PRR16: variants seen among roughly 807,000 people sequenced by gnomAD.
The protein encoded by PRR16 is proline rich 16.
A neutral mutation model predicts 18.2 loss-of-function variants in PRR16; 6 were observed. The observed-to-expected ratio is 0.33, with a 90% CI of 0.18 to 0.65. The LOEUF is 0.65. PRR16 is among the 30% of genes least tolerant of loss of function. PRR16 has a pLI of 0.74. For missense variants in PRR16, 412 were observed against 376.6 expected (o/e 1.09, Z -0.78); for synonymous variants, 151 against 147.8 (o/e 1.02, Z -0.16).
At chr5:120,588,663 A>G (rs144297649) in intron 1 of PRR16, among the ~76,000 whole-genome samples, 204 of 152,322 alleles carry the variant, frequency 1.3e-3, no homozygotes, top group African/African-American at 4.5e-3. Flanking sequence ...AACAGAAAAA[A>G]TAGTATGGCT....
chr5:120,559,366 G>A (rs991583017), intron 1 of PRR16, among the ~76,000 whole-genome samples: 4 of 151,770 alleles, frequency 2.6e-5, no homozygotes, highest in African/African-American at 9.7e-5. Context: ...TCAGCATATA[G>A]ATATCCAGTT....
At chr5:120,746,967 T>G in the PRR16 span, among the ~76,000 whole-genome samples, 1 of 152,206 alleles carries the variant, frequency 6.6e-6, no homozygotes, top group African/African-American at 2.4e-5. Context: ...AAGCAAGCTT[T>G]CGTTTCAATT....
At chr5:120,700,440 T>G in the PRR16 span, among the ~76,000 whole-genome samples, 10 of 151,176 alleles carry the variant, frequency 6.6e-5, no homozygotes, top group Non-Finnish European at 1.0e-4. Flanking sequence ...TGGGTTAAGG[T>G]GGGGGGATAC....
chr5:120,606,551 A>AT (rs1250475721), intron 1 of PRR16, among the ~76,000 whole-genome samples: 1 of 151,990 alleles, frequency 6.6e-6, no homozygotes, highest in African/African-American at 2.4e-5. Context: ...ATTATTAATG[A>AT]TTTTTTTCAT....
downstream of PRR16, among the ~76,000 whole-genome samples, chr5:120,691,106 T>C (rs1331369260): frequency 1.3e-5 from 2 of 152,130 alleles, no homozygotes. Flanking sequence ...TATTTAAAAA[T>C]GTAGAAATTC....
chr5:120,715,016 G>A, the PRR16 span, among the ~76,000 whole-genome samples: 5 of 151,882 alleles, frequency 3.3e-5, no homozygotes, highest in Non-Finnish European at 7.4e-5. Context: ...AGGGAACTTA[G>A]AGGACAGGTC....
intron 1 of PRR16, among the ~76,000 whole-genome samples, chr5:120,642,626 T>A (rs1310818167): frequency 6.6e-6 from 1 of 152,102 alleles, no homozygotes; most frequent in Non-Finnish European, 1.5e-5. Context: ...AACCATAAAT[T>A]TTGCTATTTC....
rs142435416 is a variant in PRR16 at position 120,514,806 on chromosome 5, T to C, written c.159+50161T>C. Among the ~76,000 whole-genome samples the C allele has an allele frequency of 4.5e-3, 678 of 152,308 alleles. 8 individuals are homozygous for C. The highest frequency in any genetic ancestry group is 0.016 in the African/African-American group (659 of 41,566). Reference sequence around the variant, plus strand: ...AAAAAGCTCCAGATATTTTCTCCATTTCTTTCTTTCTTCTGAGCTCTCACC... The same window carrying C: ...AAAAAGCTCCAGATATTTTCTCCATCTCTTTCTTTCTTCTGAGCTCTCACC... On this transcript the variant is annotated intron_variant, in intron 1 of 1. Transcript: ENST00000407149.
chr5:120,571,384 G>A (rs1414272974), intron 1 of PRR16, among the ~76,000 whole-genome samples: 1 of 152,142 alleles, frequency 6.6e-6, no homozygotes, highest in Non-Finnish European at 1.5e-5. Flanking sequence ...AGGAACTTCA[G>A]TGAAGCCAGT....
At chr5:120,507,985 T>G (rs999863202) in intron 1 of PRR16, among the ~76,000 whole-genome samples, 1 of 152,142 alleles carries the variant, frequency 6.6e-6, no homozygotes, top group Non-Finnish European at 1.5e-5. Flanking sequence ...GAACCTCACT[T>G]TGGTTTGAGA....
At chr5:120,561,178 C>G (rs1752563688) in intron 1 of PRR16, among the ~76,000 whole-genome samples, 1 of 151,644 alleles carries the variant, frequency 6.6e-6, no homozygotes, top group African/African-American at 2.4e-5. Flanking sequence ...TTTGCTCTTT[C>G]ATTTTTAGTT....
At chr5:120,726,020 A>G in the PRR16 span, among the ~76,000 whole-genome samples, 1 of 152,104 alleles carries the variant, frequency 6.6e-6, no homozygotes, top group Non-Finnish European at 1.5e-5. Context: ...AGGGGAGATT[A>G]TTATGCTAAA....
At chr5:120,727,725 A>G in the PRR16 span, among the ~76,000 whole-genome samples, 10 of 152,148 alleles carry the variant, frequency 6.6e-5, no homozygotes, top group African/African-American at 2.4e-4. Flanking sequence ...TATGTTAAAT[A>G]TCTAACATAT....
chr5:120,789,066 G>A, the PRR16 span, among the ~76,000 whole-genome samples: 1 of 152,118 alleles, frequency 6.6e-6, no homozygotes, highest in Non-Finnish European at 1.5e-5. Context: ...AACCCCAAAT[G>A]AAAGGGTTAA....
intron 1 of PRR16, among the ~76,000 whole-genome samples, chr5:120,552,728 T>C (rs778260974): frequency 5.3e-5 from 8 of 151,964 alleles, no homozygotes; most frequent in Non-Finnish European, 1.0e-4. Flanking sequence ...TTTTCTAAGC[T>C]TATGCAAATT....
chr5:120,782,708 AG>A, the PRR16 span, among the ~76,000 whole-genome samples: 1 of 152,054 alleles, frequency 6.6e-6, no homozygotes, highest in Admixed American at 6.5e-5. Context: ...AGAAAGAAAG[AG>A]CTTTTATCCT....
the PRR16 span, among the ~76,000 whole-genome samples, chr5:120,702,145 C>T: frequency 6.6e-6 from 1 of 151,390 alleles, no homozygotes; most frequent in East Asian, 1.9e-4. Flanking sequence ...TTCTTACCTT[C>T]CAGAAAAGTG....
At chr5:120,746,568 A>C in the PRR16 span, among the ~76,000 whole-genome samples, 1 of 152,174 alleles carries the variant, frequency 6.6e-6, no homozygotes, top group East Asian at 1.9e-4. Flanking sequence ...TTTCACATGA[A>C]ACACTGGATT....
the PRR16 span, among the ~76,000 whole-genome samples, chr5:120,760,012 G>T: frequency 6.6e-6 from 1 of 152,114 alleles, no homozygotes. Context: ...AAGTCATTTT[G>T]TATAGGACTA....
Sources: gnomAD v4.1 joint callset for allele counts (sites outside exome capture counted in the v4.1 genomes callset) on GRCh38, gnomAD v4.1.1 for gene constraint, MANE v1.5 for transcripts, NCBI Gene and HGNC (gene_info 2026-07-23, HGNC 2026-07-21) for gene names.